The following KITLG variants were observed in gnomAD, a reference collection of about 807,000 sequenced individuals.
KITLG encodes the protein c-Kit ligand.
Under a neutral mutation model 34.1 loss-of-function variants are expected in KITLG, and 13 were observed. The ratio of observed to expected loss-of-function variants is 0.38; its 90% CI spans 0.25 to 0.61. The LOEUF is 0.61. Among genes scored for constraint, KITLG ranks in the 20% least tolerant of loss-of-function variants. The probability of loss-of-function intolerance (pLI) is 0.60; values close to 1 mark genes in which losing one functional copy is unlikely to be tolerated. For synonymous variants in KITLG, 110 were observed against 104.0 expected, an observed-to-expected ratio of 1.06 and a Z score of -0.35; for missense variants, 292 against 318.9, an observed-to-expected ratio of 0.92 and a Z score of 0.64.
At chr12:88,519,489 G>T (rs1213845013) in intron 3 of KITLG, among the ~76,000 whole-genome samples, 1 of 152,040 alleles carries the variant, frequency 6.6e-6, no homozygotes, top group Non-Finnish European at 1.5e-5. Flanking sequence ...AATACAACTT[G>T]TAACAAAAAT....
chr12:88,563,041 C>T (rs1871344159), intron 1 of KITLG, among the ~76,000 whole-genome samples: 1 of 152,218 alleles, frequency 6.6e-6, no homozygotes, highest in Admixed American at 6.5e-5. Context: ...GAGAAGTCAA[C>T]AATTCCATAT....
At chr12:88,566,041 A>G (rs1871432322) in intron 1 of KITLG, among the ~76,000 whole-genome samples, 1 of 152,210 alleles carries the variant, frequency 6.6e-6, no homozygotes, top group Non-Finnish European at 1.5e-5. Flanking sequence ...TTCCTTAAGA[A>G]TGGCAAGCAA....
chr12:88,564,386 G>A (rs1372945788), intron 1 of KITLG: 1 of 76,110 alleles, frequency 1.3e-5, no homozygotes, highest in African/African-American at 2.7e-5. Flanking sequence ...TGTAAACAGG[G>A]AAACTGGATA....
At chr12:88,526,956 C>T (rs574269348) in intron 3 of KITLG, among the ~76,000 whole-genome samples, 7 of 151,540 alleles carry the variant, frequency 4.6e-5, no homozygotes, top group African/African-American at 1.7e-4. Context: ...GAAAACTCCA[C>T]CTCCCAGGTT....
chr12:88,515,413 A>G (rs1869420117), intron 6 of KITLG, 121 bp downstream of exon 6: 1 of 663,034 alleles, frequency 1.5e-6, no homozygotes, highest in South Asian at 1.7e-5. Flanking sequence ...CATAAAAGGA[A>G]TAACAGTAAC....
At chr12:88,564,580 G>A (rs1871386554) in intron 1 of KITLG, among the ~76,000 whole-genome samples, 2 of 152,120 alleles carry the variant, frequency 1.3e-5, no homozygotes, top group South Asian at 2.1e-4. Context: ...CACCATTTGT[G>A]TGTTATCTCC....
intron 5 of KITLG, among the ~76,000 whole-genome samples, chr12:88,515,924 T>C (rs1869438612): frequency 6.6e-6 from 1 of 151,188 alleles, no homozygotes; most frequent in Non-Finnish European, 1.5e-5. Context: ...AGGGACCCAG[T>C]GAAGGGAAAA....
At chr12:88,552,759 A>T (rs1418565637) in intron 1 of KITLG, among the ~76,000 whole-genome samples, 1 of 152,084 alleles carries the variant, frequency 6.6e-6, no homozygotes, top group East Asian at 1.9e-4. Flanking sequence ...GGCAAGAAGA[A>T]ATTAAAAAAA....
chr12:88,543,548 T>C (rs1223212000), intron 2 of KITLG, among the ~76,000 whole-genome samples: 2 of 152,212 alleles, frequency 1.3e-5, no homozygotes, highest in African/African-American at 2.4e-5. Context: ...AAGTCTTTGC[T>C]ATTGTGAATA....
At chr12:88,498,517 C>T (rs960581879) in intron 9 of KITLG, among the ~76,000 whole-genome samples, 5 of 151,954 alleles carry the variant, frequency 3.3e-5, no homozygotes, top group African/African-American at 7.2e-5. Flanking sequence ...AAGGGAATCA[C>T]AAAAAGCAAA....
chr12:88,500,656 A>G (rs1219420021), intron 9 of KITLG, among the ~76,000 whole-genome samples: 1 of 152,230 alleles, frequency 6.6e-6, no homozygotes, highest in Non-Finnish European at 1.5e-5. Context: ...ACAACCCAAT[A>G]TGAAAAAGGT....
At chr12:88,539,997 T>C (rs116851762) in intron 2 of KITLG, among the ~76,000 whole-genome samples, 597 of 152,196 alleles carry the variant, frequency 3.9e-3, no homozygotes, top group Middle Eastern at 0.01. Context: ...TAAATAAAGA[T>C]AGATAACAAT....
chr12:88,493,262 TAAA>T lies in KITLG; in HGVS notation c.*3954_*3956del, dbSNP rs1243226686. ...TTAACAGTTGTTTTAATTTTATTGT[TAAA>T]AACATCATAAGGATGTAGTTGGAGA... On this transcript the variant is annotated 3_prime_UTR_variant, in exon 10 of 10. Coordinates refer to ENST00000644744, the MANE Select transcript of KITLG (RefSeq NM_000899.5). The T allele has an allele frequency of 6.6e-6, 1 of 152,386 alleles. No individual in the cohort carries two copies. Among genetic ancestry groups the T allele is most frequent in the Non-Finnish European group, 1.5e-5 (1 of 67,896 alleles). The allele number at this position is 152,386 out of a possible 1,614,324, so 9.4% of individuals were successfully genotyped here.
At chr12:88,551,462 C>T (rs545677268) in intron 1 of KITLG, among the ~76,000 whole-genome samples, 32 of 152,300 alleles carry the variant, frequency 2.1e-4, no homozygotes, top group African/African-American at 6.7e-4. Context: ...TTTTCTGTGA[C>T]GGTTCAGGTT....
chr12:88,565,945 C>T (rs1871429145), intron 1 of KITLG, among the ~76,000 whole-genome samples: 1 of 152,194 alleles, frequency 6.6e-6, no homozygotes. Flanking sequence ...ATATTCTGCC[C>T]TAAAATCCTT....
intron 2 of KITLG, among the ~76,000 whole-genome samples, chr12:88,533,810 G>C (rs1278076561): frequency 6.6e-6 from 1 of 151,968 alleles, no homozygotes; most frequent in African/African-American, 2.4e-5. Flanking sequence ...CTTGTCAATA[G>C]CTTCTAGAAT....
intron 1 of KITLG, among the ~76,000 whole-genome samples, chr12:88,559,316 C>T (rs1485874611): frequency 6.6e-6 from 1 of 152,198 alleles, no homozygotes; most frequent in Non-Finnish European, 1.5e-5. Flanking sequence ...AGAAGACAGG[C>T]TGGCTGTGGG....
rs2120763513 is a variant in KITLG at position 88,493,002 on chromosome 12, T to C, written c.*4217A>G. ...AGAACTATTTAGAATAGTGTCGACA[T>C]ACATTTACATTATTATATGCAAACT... On this transcript the variant is annotated 3_prime_UTR_variant, in exon 10 of 10. Coordinates refer to ENST00000644744, the MANE Select transcript of KITLG (RefSeq NM_000899.5). The C allele has an allele frequency of 6.6e-6, 1 of 152,444 alleles. No individual in the cohort carries two copies. The highest frequency in any genetic ancestry group is 2.4e-5 in the African/African-American group (1 of 41,534). The allele number at this position is 152,444 out of a possible 1,614,324, so 9.4% of individuals were successfully genotyped here.
At chr12:88,576,294 G>C (rs1436515502) in intron 1 of KITLG, among the ~76,000 whole-genome samples, 1 of 152,004 alleles carries the variant, frequency 6.6e-6, no homozygotes, top group African/African-American at 2.4e-5. Flanking sequence ...CTTAATTATA[G>C]TCTATAAACA....
Sources: allele counts gnomAD v4.1 joint callset (sites outside exome capture counted in the v4.1 genomes callset), GRCh38; gene constraint gnomAD v4.1.1; transcripts MANE v1.5; gene names NCBI Gene and HGNC (gene_info 2026-07-23, HGNC 2026-07-21).